The following SUCLA2 variants were observed in gnomAD, a reference collection of about 807,000 sequenced individuals.
SUCLA2 encodes the protein succinate-CoA ligase ADP-forming subunit beta.
SUCLA2 carries 30 observed loss-of-function variants against 54.8 expected under a neutral mutation model. That is an observed-to-expected ratio of 0.55 (90% confidence interval 0.41 to 0.74). The LOEUF (loss-of-function observed/expected upper bound fraction) is 0.74, where lower values mean the gene tolerates loss of function less well. Ranked by LOEUF, SUCLA2 falls within the 30% of genes least tolerant of loss-of-function variation. The probability of loss-of-function intolerance (pLI) is 0.00; values close to 1 mark genes in which losing one functional copy is unlikely to be tolerated. For missense variants in SUCLA2, 476 were observed against 562.9 expected (o/e 0.85, Z 1.56); for synonymous variants, 172 against 188.9 (o/e 0.91, Z 0.74).
intron 9 of SUCLA2, 34 bp from the exon 10 acceptor site, chr13:47,949,062 A>G (rs768280422): frequency 6.3e-7 from 1 of 1,590,764 alleles, no homozygotes; most frequent in East Asian, 2.2e-5. Flanking sequence ...AAATGTTTTA[A>G]ATACACACAC....
At chr13:47,977,188 A>G (rs1950021616) in intron 4 of SUCLA2, among the ~76,000 whole-genome samples, 1 of 152,150 alleles carries the variant, frequency 6.6e-6, no homozygotes, top group African/African-American at 2.4e-5. Flanking sequence ...AAATTGAATA[A>G]CCTAGAAGAC....
rs200090787 is a variant in SUCLA2, at chr13:47,963,277, G to GT, written c.802+5317dup. 8.2e-3 allele frequency among the ~76,000 whole-genome samples: 1,243 copies of GT among 152,294 alleles called. 11 individuals are homozygous for GT. Among genetic ancestry groups the GT allele is most frequent in the African/African-American group, 0.028 (1,159 of 41,554 alleles). On this transcript the variant is annotated intron_variant, in intron 6 of 10. Transcript: ENST00000646932. ...AAGAAAATTATAAACATAGAAAGTG[G>GT]TAAAGCTAGAATGAACCTTGAAGAA... is the stretch of plus-strand genomic sequence containing the variant.
At chr13:47,993,205 C>T (rs180746100) in intron 2 of SUCLA2, among the ~76,000 whole-genome samples, 34 of 152,346 alleles carry the variant, frequency 2.2e-4, no homozygotes, top group Admixed American at 3.3e-4. Context: ...GCACTCCAGC[C>T]TGGGTGACAG....
chr13:47,989,213 CTT>C (rs11445752), intron 2 of SUCLA2, among the ~76,000 whole-genome samples: 13 of 143,666 alleles, frequency 9.0e-5, no homozygotes, highest in Non-Finnish European at 1.1e-4. Flanking sequence ...TAAACCATTT[CTT>C]TTTTTTTTTT....
At chr13:47,992,487 G>A (rs7997802) in intron 2 of SUCLA2, among the ~76,000 whole-genome samples, 94,954 of 151,636 alleles carry the variant, frequency 0.63, 30,641 homozygotes, top group East Asian at 0.78. Flanking sequence ...ACAACTGGTC[G>A]AAACAAACAT....
Position 47,968,579 on chromosome 13 carries a change from A to G in SUCLA2, c.802+16T>C, listed in dbSNP as rs2137715464. 6.2e-7 allele frequency: 1 copy of G among 1,611,292 alleles called. No homozygotes were observed. Among genetic ancestry groups the G allele is most frequent in the African/African-American group, 1.3e-5 (1 of 74,966 alleles). On this transcript the variant is annotated intron_variant, in intron 6 of 10. Coordinates refer to ENST00000646932, the MANE Select transcript of SUCLA2 (RefSeq NM_003850.3). The stretch of plus-strand genomic sequence containing the variant: ...AATAAATGCATAATCATGTTAGACA[A>G]AAGAAGATACTTTACCAGCTCCATC...
At chr13:47,981,162 C>G (rs550000298) in intron 4 of SUCLA2, among the ~76,000 whole-genome samples, 1 of 152,092 alleles carries the variant, frequency 6.6e-6, no homozygotes, top group East Asian at 1.9e-4. Flanking sequence ...AAAAGGCAAT[C>G]TACAAAATGA....
intron 4 of SUCLA2, among the ~76,000 whole-genome samples, chr13:47,976,890 C>T (rs978821907): frequency 2.6e-5 from 4 of 151,794 alleles, no homozygotes; most frequent in African/African-American, 9.7e-5. Flanking sequence ...ATTTGGGATG[C>T]TCAACCTATA....
intron 10 of SUCLA2, among the ~76,000 whole-genome samples, chr13:47,947,650 C>A (rs1396232749): frequency 1.3e-5 from 2 of 152,096 alleles, no homozygotes; most frequent in African/African-American, 4.8e-5. Flanking sequence ...AAATTAAACA[C>A]CTACTATGAA....
intron 6 of SUCLA2, among the ~76,000 whole-genome samples, chr13:47,963,267 A>C (rs181200614): frequency 2.6e-5 from 4 of 152,318 alleles, no homozygotes; most frequent in Non-Finnish European, 1.5e-5. Context: ...AATTATAAAC[A>C]TAGAAAGTGG....
chr13:47,971,976 C>G (rs555731376), intron 5 of SUCLA2: 3 of 397,458 alleles, frequency 7.5e-6, no homozygotes, highest in African/African-American at 6.2e-5. Context: ...AGGGACCGGA[C>G]GCGGTGGCTC....
At chr13:47,986,343 T>A (rs1950104514) in intron 4 of SUCLA2, among the ~76,000 whole-genome samples, 1 of 152,204 alleles carries the variant, frequency 6.6e-6, no homozygotes, top group Non-Finnish European at 1.5e-5. Context: ...TGTCTTCTTT[T>A]GAGAAGTGTC....
At chr13:47,988,470 AAAC>A in intron 4 of SUCLA2, 68 bp downstream of exon 4, 1 of 1,539,408 alleles carries the variant, frequency 6.5e-7, no homozygotes, top group Non-Finnish European at 8.9e-7. Context: ...ACATAAATAG[AAAC>A]AATAATGGAC....
At position 47,997,034 on chromosome 13, in the gene SUCLA2, TG is replaced by T. The variant is rs766002295; in HGVS notation, c.91-12del. 1 of 1,614,038 alleles carries T rather than the reference TG, an allele frequency of 6.2e-7. No individual in the cohort carries two copies. The highest frequency in any genetic ancestry group is 1.1e-5 in the South Asian group (1 of 91,080). The stretch of plus-strand genomic sequence containing the variant: ...AGAACTTCCCAGAACCTAGAAAGAT[TG>T]GGGACATATTTATATATGACAGTGA... On this transcript the variant is annotated splice_polypyrimidine_tract_variant and intron_variant, in intron 1 of 10. Transcript: ENST00000646932.
At chr13:47,989,192 G>A (rs1227304991) in intron 2 of SUCLA2, among the ~76,000 whole-genome samples, 4 of 149,892 alleles carry the variant, frequency 2.7e-5, no homozygotes, top group East Asian at 2.0e-4. Context: ...TTCAAAATTC[G>A]TCACTTACAT....
intron 1 of SUCLA2, 153 bp downstream of exon 1, chr13:48,001,027 G>C: frequency 2.7e-6 from 4 of 1,481,850 alleles, no homozygotes; most frequent in Non-Finnish European, 3.6e-6. Context: ...GTCCTGGCGA[G>C]CAGCACTCCC....
chr13:47,969,229 T>C (rs980488217), intron 5 of SUCLA2, among the ~76,000 whole-genome samples: 4 of 152,136 alleles, frequency 2.6e-5, no homozygotes, highest in African/African-American at 7.2e-5. Context: ...AAATGTGGAC[T>C]GACAACCCTT....
At chr13:47,998,302 A>G (rs77409806) in intron 1 of SUCLA2, among the ~76,000 whole-genome samples, 9,393 of 151,304 alleles carry the variant, frequency 0.062, 345 homozygotes, top group Middle Eastern at 0.084. Flanking sequence ...AAGTTAAAAA[A>G]AAAAAAAAAA....
At chr13:47,984,122 A>G (rs1950080547) in intron 4 of SUCLA2, among the ~76,000 whole-genome samples, 1 of 152,190 alleles carries the variant, frequency 6.6e-6, no homozygotes, top group African/African-American at 2.4e-5. Context: ...AATCTTAGTA[A>G]TAAACTTTCA....
Sources: allele counts gnomAD v4.1 joint callset (sites outside exome capture counted in the v4.1 genomes callset), GRCh38; gene constraint gnomAD v4.1.1; transcripts MANE v1.5; gene names NCBI Gene and HGNC (gene_info 2026-07-23, HGNC 2026-07-21).